Variants in ENOX1 observed in about 807,000 individuals in gnomAD.
ENOX1 encodes the protein ecto-NOX disulfide-thiol exchanger 1.
In ENOX1, 42 loss-of-function variants were observed where a neutral mutation model predicts 82.5. The ratio of observed to expected loss-of-function variants is 0.51; its 90% CI spans 0.40 to 0.66. The LOEUF (loss-of-function observed/expected upper bound fraction) is 0.66. ENOX1 is among the 30% of genes least tolerant of loss of function. The pLI, the probability that ENOX1 is intolerant of heterozygous loss-of-function variation, is 0.00. For missense variants in ENOX1, 608 were observed against 811.6 expected (o/e 0.75, Z 3.05); for synonymous variants, 271 against 282.2 (o/e 0.96, Z 0.40).
At chr13:43,382,528 C>T (rs1051440463) in intron 5 of ENOX1, among the ~76,000 whole-genome samples, 1 of 152,030 alleles carries the variant, frequency 6.6e-6, no homozygotes, top group Non-Finnish European at 1.5e-5. Context: ...AAACTGAGTA[C>T]ATTCTATAGG....
At chr13:43,525,670 C>G (rs1593633366) in intron 2 of ENOX1, among the ~76,000 whole-genome samples, 1 of 152,010 alleles carries the variant, frequency 6.6e-6, no homozygotes. Flanking sequence ...TAGTAGTCAT[C>G]CTAACAGGTG....
intron 1 of ENOX1, among the ~76,000 whole-genome samples, chr13:43,702,953 C>CTAAAAAAA (rs2086998903): frequency 2.0e-5 from 1 of 51,010 alleles, no homozygotes; most frequent in Non-Finnish European, 3.3e-5. Context: ...GACTCTGTCT[C>CTAAAAAAA]AAAAAAAAAA....
At chr13:43,535,547 A>T (rs950939780) in intron 2 of ENOX1, among the ~76,000 whole-genome samples, 8 of 152,186 alleles carry the variant, frequency 5.3e-5, no homozygotes, top group African/African-American at 1.9e-4. Context: ...AAGAGAAAAT[A>T]GCAAGCTAGT....
At chr13:43,739,851 C>T (rs2089816305) in intron 1 of ENOX1, among the ~76,000 whole-genome samples, 1 of 151,912 alleles carries the variant, frequency 6.6e-6, no homozygotes, top group African/African-American at 2.4e-5. Context: ...ACAGCAAGAC[C>T]CACCCCTTCT....
At chr13:43,293,462 A>G (rs184603758) in intron 12 of ENOX1, among the ~76,000 whole-genome samples, 63 of 152,094 alleles carry the variant, frequency 4.1e-4, no homozygotes, top group African/African-American at 1.4e-3. Flanking sequence ...TCCAGAGCCA[A>G]TATCACTACT....
chr13:43,527,351 A>C (rs1392473925), intron 2 of ENOX1, among the ~76,000 whole-genome samples: 1 of 152,118 alleles, frequency 6.6e-6, no homozygotes, highest in Admixed American at 6.6e-5. Context: ...CAACAACTAC[A>C]TAGGCAGCTG....
chr13:43,287,961 G>A (rs1395166095), intron 12 of ENOX1, among the ~76,000 whole-genome samples: 1 of 152,194 alleles, frequency 6.6e-6, no homozygotes, highest in African/African-American at 2.4e-5. Context: ...TTCTTAGGAT[G>A]TACCAGGAGT....
chr13:43,630,860 T>TATATATACACACAC (rs34023929), intron 2 of ENOX1, among the ~76,000 whole-genome samples: 18 of 147,798 alleles, frequency 1.2e-4, no homozygotes, highest in South Asian at 2.2e-4. Context: ...TATATATATA[T>TATATATACACACAC]ACACACACAC....
chr13:43,295,726 T>C lies in ENOX1; in HGVS notation c.1446+2620A>G, dbSNP rs911425407. Among the ~76,000 whole-genome samples the C allele has an allele frequency of 2.6e-5, 4 of 152,312 alleles. No individual in the cohort carries two copies. The East Asian group carries it at 5.8e-4, about 22-fold the overall frequency. ...ATTTATACAGTGGATAGTGTGGAGA[T>C]TGAAGGCAGGTTTTAAAGTCAGGCT... On this transcript the variant is annotated intron_variant, in intron 12 of 16. Transcript: ENST00000690772.
chr13:43,444,997 C>T (rs935952910), intron 3 of ENOX1, among the ~76,000 whole-genome samples: 3 of 152,138 alleles, frequency 2.0e-5, no homozygotes, highest in African/African-American at 7.2e-5. Context: ...GGGCTGGTCA[C>T]AGTTTTCTCA....
At chr13:43,638,494 T>C (rs1453233631) in intron 2 of ENOX1, among the ~76,000 whole-genome samples, 1 of 152,174 alleles carries the variant, frequency 6.6e-6, no homozygotes, top group Non-Finnish European at 1.5e-5. Context: ...GACTGTAATT[T>C]AAGAAACTGA....
chr13:43,745,957 T>C (rs1398732980), intron 1 of ENOX1, among the ~76,000 whole-genome samples: 1 of 152,138 alleles, frequency 6.6e-6, no homozygotes, highest in Non-Finnish European at 1.5e-5. Context: ...GAACTGTGAG[T>C]CTTTCCTTTA....
At chr13:43,608,567 G>T (rs1250549660) in intron 2 of ENOX1, among the ~76,000 whole-genome samples, 1 of 152,182 alleles carries the variant, frequency 6.6e-6, no homozygotes, top group Admixed American at 6.5e-5. Flanking sequence ...CACAGCTGCA[G>T]CTAGAAATGA....
chr13:43,613,013 A>G (rs1456422542), intron 2 of ENOX1, among the ~76,000 whole-genome samples: 1 of 152,168 alleles, frequency 6.6e-6, no homozygotes, highest in Admixed American at 6.6e-5. Flanking sequence ...ATGCATGTTT[A>G]TTAGCTCAAT....
chr13:43,654,364 T>G (rs557681749), intron 2 of ENOX1, among the ~76,000 whole-genome samples: 1 of 152,334 alleles, frequency 6.6e-6, no homozygotes, highest in Non-Finnish European at 1.5e-5. Flanking sequence ...CTGTGATTTT[T>G]GGACTTACCA....
chr13:43,734,815 G>A (rs1258316485), intron 1 of ENOX1, among the ~76,000 whole-genome samples: 5 of 152,170 alleles, frequency 3.3e-5, no homozygotes, highest in African/African-American at 1.2e-4. Context: ...AAAGACATAT[G>A]AGATACAGTC....
chr13:43,417,099 C>A (rs2054641732), intron 3 of ENOX1, among the ~76,000 whole-genome samples: 1 of 152,198 alleles, frequency 6.6e-6, no homozygotes, highest in South Asian at 2.1e-4. Flanking sequence ...ATCCCAGGCA[C>A]TCGGCAGGCC....
At chr13:43,758,430 A>G (rs560536471) in intron 1 of ENOX1, among the ~76,000 whole-genome samples, 2 of 151,400 alleles carry the variant, frequency 1.3e-5, no homozygotes, top group Admixed American at 6.6e-5. Flanking sequence ...TGACAAAATT[A>G]TAGAAATGGT....
intron 2 of ENOX1, among the ~76,000 whole-genome samples, chr13:43,590,674 G>T (rs1467201005): frequency 6.6e-6 from 1 of 151,642 alleles, no homozygotes; most frequent in African/African-American, 2.4e-5. Context: ...TACTCGGAAG[G>T]CTGAGGCAGG....
Sources: allele counts gnomAD v4.1 joint callset (sites outside exome capture counted in the v4.1 genomes callset), GRCh38; gene constraint gnomAD v4.1.1; transcripts MANE v1.5; gene names NCBI Gene and HGNC (gene_info 2026-07-23, HGNC 2026-07-21).